The following CTCFL variants were observed in gnomAD, a reference collection of about 807,000 sequenced individuals.
CTCFL encodes the protein transcriptional repressor CTCFL.
In CTCFL, 36 loss-of-function variants were observed where a neutral mutation model predicts 67.4. That is an observed-to-expected ratio of 0.53 (90% CI 0.41 to 0.71). The LOEUF (loss-of-function observed/expected upper bound fraction) is 0.71. Among genes scored for constraint, CTCFL ranks in the 30% least tolerant of loss-of-function variants. The pLI is 0.00. For missense variants in CTCFL, 786 were observed against 835.2 expected (o/e 0.94, Z 0.73); for synonymous variants, 324 against 302.3 (o/e 1.07, Z -0.75).
At chr20:57,515,595 G>A (rs1386956661) in intron 6 of CTCFL, 119 bp downstream of exon 6, 1 of 1,227,530 alleles carries the variant, frequency 8.1e-7, no homozygotes, top group South Asian at 1.2e-5. Flanking sequence ...TATCATGAAG[G>A]CACGCAAAAA....
intron 10 of CTCFL, among the ~76,000 whole-genome samples, chr20:57,501,786 A>AGAGG (rs958748039): frequency 1.3e-5 from 2 of 152,192 alleles, no homozygotes; most frequent in African/African-American, 4.8e-5. Context: ...GCCTCCACCC[A>AGAGG]GAGGGAGGGA....
At chr20:57,499,815 G>C (rs1370391259) in intron 10 of CTCFL, 1 of 229,602 alleles carries the variant, frequency 4.4e-6, no homozygotes, top group East Asian at 1.8e-4. Context: ...CGCTGCCGCT[G>C]ATCTGACAGG....
intron 10 of CTCFL, among the ~76,000 whole-genome samples, chr20:57,502,264 C>A (rs1196013422): frequency 6.6e-6 from 1 of 152,176 alleles, no homozygotes; most frequent in Admixed American, 6.5e-5. Flanking sequence ...GCGACTGGAA[C>A]CAGGGACCCA....
At chr20:57,496,217 A>G, downstream of CTCFL, 1 of 609,074 alleles carries the variant, frequency 1.6e-6, no homozygotes, top group South Asian at 2.0e-5. Flanking sequence ...CGTTCAGAGG[A>G]GTGTGGCGCC....
rs529358167 is a variant in CTCFL at position 57,513,348 on chromosome 20, T to C, written c.1331-596A>G. ...GGTTTGCTCATCTAAGTCTAAAGCATGATGGTCTTGTGATACTTGTGTAAG... is the reference window on the plus strand; with the variant it reads ...GGTTTGCTCATCTAAGTCTAAAGCACGATGGTCTTGTGATACTTGTGTAAG... On this transcript the variant is annotated intron_variant, in intron 7 of 10. Coordinates refer to ENST00000243914, the MANE Select transcript of CTCFL (RefSeq NM_001386993.1). 1.2e-4 allele frequency: 120 copies of C among 986,436 alleles called. No individual in the cohort carries two copies. The African/African-American group carries it at 1.7e-3, about 14-fold the overall frequency. 61.1% of individuals were successfully genotyped at this position (986,436 alleles called of 1,614,324 possible).
At chr20:57,513,191 T>G in intron 7 of CTCFL, 1 of 947,472 alleles carries the variant, frequency 1.1e-6, no homozygotes, top group South Asian at 4.9e-5. Context: ...TTTAGGATGA[T>G]GTTAAGGTGG....
At chr20:57,512,779 C>T (rs200988739) in intron 7 of CTCFL, 27 bp from the exon 8 acceptor site, 2 of 1,605,790 alleles carry the variant, frequency 1.2e-6, no homozygotes, top group Non-Finnish European at 1.7e-6. Context: ...ACATTATATA[C>T]TTCAAGAGTG....
chr20:57,504,769 C>A (rs1016444983), intron 9 of CTCFL, among the ~76,000 whole-genome samples: 3 of 151,928 alleles, frequency 2.0e-5, no homozygotes, highest in African/African-American at 7.2e-5. Flanking sequence ...GCCTCGTGAA[C>A]CAGAGCTAAT....
intron 9 of CTCFL, 149 bp from the exon 10 acceptor site, chr20:57,503,750 G>A: frequency 1.3e-6 from 1 of 746,300 alleles, no homozygotes; most frequent in Non-Finnish European, 2.2e-6. Context: ...GCCCTAAGAA[G>A]TAAATAAGCA....
intron 8 of CTCFL, among the ~76,000 whole-genome samples, 177 bp downstream of exon 8, chr20:57,512,415 T>C (rs1292639074): frequency 1.3e-5 from 2 of 152,242 alleles, no homozygotes; most frequent in Non-Finnish European, 2.9e-5. Flanking sequence ...TATGTGAACA[T>C]ACTTTAAGAA....
chr20:57,514,102 T>G (rs2068743917), intron 7 of CTCFL, among the ~76,000 whole-genome samples: 1 of 152,214 alleles, frequency 6.6e-6, no homozygotes, highest in Admixed American at 6.5e-5. Flanking sequence ...AGTGACTGTC[T>G]TAAGGGGAAA....
chr20:57,508,778 A>C lies in CTCFL; in HGVS notation c.1502T>G (p.Met501Arg). 1 of 1,614,154 alleles carries C rather than the reference A, an allele frequency of 6.2e-7. No individual in the cohort carries two copies. The highest frequency in any genetic ancestry group is 1.1e-5 in the South Asian group (1 of 91,060). Residue 501 changes from methionine to arginine, a missense_variant, in exon 9 of 11, where the codon ATG becomes AGG. Transcript: ENST00000243914. ...AGTGTGGGTACGAATGTGAGCGGTCATATGACGTTCCTAAGAGGGAAGGGG... is the reference window on the plus strand; with the variant it reads ...AGTGTGGGTACGAATGTGAGCGGTCCTATGACGTTCCTAAGAGGGAAGGGG... ...CSYACKQERH[M>R]TAHIRTHTGE...
chr20:57,523,179 T>C lies in CTCFL; in HGVS notation c.643A>G (p.Ile215Val), dbSNP rs113515297. 1 of 1,614,064 alleles carries C rather than the reference T, an allele frequency of 6.2e-7. No individual in the cohort carries two copies. ...TTTGAATTTGAAACTGTGAGAACAA[T>C]TTCGTCACTTCTTTCATCTCCTGAC... ...TMSGDERSDE[I>V]VLTVSNSNVE... The change falls in exon 3 of 11, where the codon ATT (isoleucine) becomes GTT (valine). Residue 215 changes from isoleucine to valine, a missense_variant. Ile to Val is a conservative substitution (Grantham distance 29). Coordinates refer to ENST00000243914, the MANE Select transcript of CTCFL (RefSeq NM_001386993.1).
In CTCFL at chr20:57,498,311, A is replaced by C. The variant is rs1303872612; in HGVS notation, c.*239T>G. 8.4e-7 allele frequency: 1 copy of C among 1,188,888 alleles called. No individual in the cohort carries two copies. Among genetic ancestry groups the C allele is most frequent in the African/African-American group, 1.6e-5 (1 of 63,454 alleles). The allele number at this position is 1,188,888 out of a possible 1,614,324, so 73.6% of individuals were successfully genotyped here. The stretch of plus-strand genomic sequence containing the variant: ...TGTTTCTTTGAAATATCCAGCTACA[A>C]ACAGGAGAACAATTCTAGACACTAC... On this transcript the variant is annotated 3_prime_UTR_variant, in exon 11 of 11. Transcript: ENST00000243914.
downstream of CTCFL, among the ~76,000 whole-genome samples, chr20:57,497,007 ATTTTT>A (rs34176396): frequency 4.9e-4 from 68 of 138,966 alleles, no homozygotes; most frequent in African/African-American, 8.6e-4. Flanking sequence ...TGCTATTTCC[ATTTTT>A]TTTTTTTTTT....
chr20:57,513,769 CA>C, intron 7 of CTCFL: 1 of 1,251,258 alleles, frequency 8.0e-7, no homozygotes, highest in East Asian at 5.9e-5. Context: ...TCTCTTTGGG[CA>C]AAAGGGTCAA....
intron 3 of CTCFL, among the ~76,000 whole-genome samples, chr20:57,520,313 G>GA (rs1181689392): frequency 6.6e-6 from 1 of 152,200 alleles, no homozygotes; most frequent in African/African-American, 2.4e-5. Flanking sequence ...TGATAAATAA[G>GA]ATGCCAGTGC....
chr20:57,512,516 A>G, intron 8 of CTCFL, 76 bp downstream of exon 8: 1 of 1,408,978 alleles, frequency 7.1e-7, no homozygotes, highest in Non-Finnish European at 9.9e-7. Context: ...AGTATCTTCA[A>G]GGTGGTAGAG....
rs765583809 is a variant in CTCFL at position 57,524,219 on chromosome 20, G to C, written c.-11-3C>G. The C allele has an allele frequency of 1.9e-6, 3 of 1,604,878 alleles. No homozygotes were observed. Among genetic ancestry groups the C allele is most frequent in the Non-Finnish European group, 2.6e-6 (3 of 1,176,388 alleles). On this transcript the variant is annotated splice_polypyrimidine_tract_variant and splice_region_variant and intron_variant, in intron 1 of 10. Coordinates refer to ENST00000243914, the MANE Select transcript of CTCFL (RefSeq NM_001386993.1). ...AGTGGCTGCCATAATGACTTGGCCT[G>C]TTTGAAAAATAAGCAAGCGGTTTCC...
Sources: allele counts gnomAD v4.1 joint callset (sites outside exome capture counted in the v4.1 genomes callset), GRCh38; gene constraint gnomAD v4.1.1; transcripts MANE v1.5; gene names NCBI Gene and HGNC (gene_info 2026-07-23, HGNC 2026-07-21).